The following RNF121 variants were observed in gnomAD, a reference collection of about 807,000 sequenced individuals.
RNF121 encodes the protein E3 ubiquitin ligase RNF121.
Under a neutral mutation model 46.5 loss-of-function variants are expected in RNF121, and 21 were observed. The observed-to-expected ratio is 0.45, with a 90% CI of 0.32 to 0.65. The LOEUF is 0.65. Ranked by LOEUF, RNF121 falls within the 30% of genes least tolerant of loss-of-function variation. The pLI, the probability that RNF121 is intolerant of heterozygous loss-of-function variation, is 0.04. For synonymous variants in RNF121, 139 were observed against 144.7 expected, an observed-to-expected ratio of 0.96 and a Z score of 0.28; for missense variants, 346 against 416.0, an observed-to-expected ratio of 0.83 and a Z score of 1.46.
At chr11:71,953,824 G>A (rs753151310) in intron 1 of RNF121, among the ~76,000 whole-genome samples, 2 of 152,206 alleles carry the variant, frequency 1.3e-5, no homozygotes, top group Non-Finnish European at 2.9e-5. Flanking sequence ...GGGGACAGGA[G>A]ACCTGTTTGT....
At chr11:71,942,333 A>T (rs1026844163) in intron 1 of RNF121, among the ~76,000 whole-genome samples, 1 of 152,094 alleles carries the variant, frequency 6.6e-6, no homozygotes, top group Non-Finnish European at 1.5e-5. Context: ...GGATTGTAGG[A>T]GGTGACTCAG....
chr11:71,944,888 G>A (rs1341603943), intron 1 of RNF121, among the ~76,000 whole-genome samples: 1 of 152,152 alleles, frequency 6.6e-6, no homozygotes, highest in African/African-American at 2.4e-5. Flanking sequence ...TCTTCCTTCA[G>A]TCCTAGCTGT....
intron 3 of RNF121, among the ~76,000 whole-genome samples, chr11:71,967,350 T>TG (rs11433118): frequency 1.8e-4 from 2 of 10,854 alleles, no homozygotes; most frequent in Non-Finnish European, 2.5e-3. Flanking sequence ...GTTTTTTTTG[T>TG]TTTTTTTTTT....
chr11:71,938,918 T>G (rs935492818), intron 1 of RNF121: 2 of 152,428 alleles, frequency 1.3e-5, no homozygotes, highest in African/African-American at 2.4e-5. Context: ...CTTTTTTTTT[T>G]CTTTGAGACG....
intron 3 of RNF121, among the ~76,000 whole-genome samples, chr11:71,961,564 A>AAAAAAG (rs1954134980): frequency 6.6e-6 from 1 of 152,218 alleles, no homozygotes; most frequent in African/African-American, 2.4e-5. Flanking sequence ...TCTGTCTCAA[A>AAAAAAG]AAAAAGAAAA....
At chr11:71,974,473 T>C (rs974660324) in intron 3 of RNF121, among the ~76,000 whole-genome samples, 3 of 152,210 alleles carry the variant, frequency 2.0e-5, no homozygotes, top group African/African-American at 7.2e-5. Flanking sequence ...AACAGCTCTG[T>C]AAGGTAGTCA....
chr11:71,929,225 C>G, intron 1 of RNF121, 101 bp downstream of exon 1: 3 of 1,469,950 alleles, frequency 2.0e-6, no homozygotes, highest in Non-Finnish European at 2.7e-6. Context: ...GGGAAAGATC[C>G]TGAGAGGGAA....
chr11:71,971,635 C>T (rs985597143), intron 3 of RNF121, among the ~76,000 whole-genome samples: 5 of 151,878 alleles, frequency 3.3e-5, no homozygotes, highest in African/African-American at 1.2e-4. Flanking sequence ...GATATGAACA[C>T]ATTTACAGGA....
chr11:71,995,647 T>C (rs904152872), intron 8 of RNF121, 96 bp downstream of exon 8: 35 of 904,530 alleles, frequency 3.9e-5, no homozygotes, highest in African/African-American at 1.6e-5. Context: ...CCCTCACTTC[T>C]GCCCCCAACC....
intron 1 of RNF121, among the ~76,000 whole-genome samples, chr11:71,931,322 A>G (rs575658057): frequency 6.6e-6 from 1 of 152,292 alleles, no homozygotes; most frequent in South Asian, 2.1e-4. Flanking sequence ...TTCCTGAGAA[A>G]AGGTATAATC....
chr11:71,959,331 G>A (rs1337317393), intron 2 of RNF121, among the ~76,000 whole-genome samples: 1 of 149,480 alleles, frequency 6.7e-6, no homozygotes, highest in African/African-American at 2.5e-5. Context: ...ATTGTACAGT[G>A]AACACCTTTA....
chr11:71,973,055 G>A (rs1049197912), intron 3 of RNF121, among the ~76,000 whole-genome samples: 2 of 152,092 alleles, frequency 1.3e-5, no homozygotes, highest in Non-Finnish European at 2.9e-5. Flanking sequence ...ACATGGTGGT[G>A]CATGCCTGTA....
chr11:71,937,011 T>C (rs1953431960), intron 1 of RNF121, among the ~76,000 whole-genome samples: 1 of 152,226 alleles, frequency 6.6e-6, no homozygotes, highest in South Asian at 2.1e-4. Flanking sequence ...TACTATCTGT[T>C]CTGGAAATAA....
intron 3 of RNF121, among the ~76,000 whole-genome samples, chr11:71,967,355 T>TG (rs1445668156): frequency 3.3e-4 from 45 of 135,910 alleles, no homozygotes; most frequent in East Asian, 1.5e-3. Context: ...TTTTGTTTTT[T>TG]TTTTTTTTTT....
At chr11:71,967,855 T>G (rs1334924627) in intron 3 of RNF121, among the ~76,000 whole-genome samples, 1 of 152,224 alleles carries the variant, frequency 6.6e-6, no homozygotes, top group African/African-American at 2.4e-5. Flanking sequence ...AGATGTATTA[T>G]TCACAGCTTG....
intron 1 of RNF121, among the ~76,000 whole-genome samples, chr11:71,937,189 C>G (rs1953438860): frequency 6.6e-6 from 1 of 152,218 alleles, no homozygotes; most frequent in South Asian, 2.1e-4. Context: ...GTCGTATTGT[C>G]TTTTCCATTA....
intron 1 of RNF121, among the ~76,000 whole-genome samples, chr11:71,951,660 T>C (rs1156700606): frequency 6.9e-6 from 1 of 145,014 alleles, no homozygotes; most frequent in Non-Finnish European, 1.5e-5. Flanking sequence ...AAAAAAACCA[T>C]GGACAAAGGC....
intron 5 of RNF121, among the ~76,000 whole-genome samples, chr11:71,988,576 G>T (rs1954809911): frequency 6.6e-6 from 1 of 151,774 alleles, no homozygotes; most frequent in African/African-American, 2.4e-5. Context: ...GGCTGAGGCA[G>T]GAGGACTGCT....
intron 1 of RNF121, among the ~76,000 whole-genome samples, chr11:71,947,080 G>T (rs1441280126): frequency 6.6e-6 from 1 of 151,948 alleles, no homozygotes; most frequent in African/African-American, 2.4e-5. Context: ...TGCCCATGTG[G>T]TCTCAACCTC....
Sources: gnomAD v4.1 joint callset for allele counts (sites outside exome capture counted in the v4.1 genomes callset) on GRCh38, gnomAD v4.1.1 for gene constraint, MANE v1.5 for transcripts, NCBI Gene and HGNC (gene_info 2026-07-23, HGNC 2026-07-21) for gene names.